The following FLG variants were observed in gnomAD, a reference collection of about 807,000 sequenced individuals.
FLG encodes the protein filaggrin.
Under a neutral mutation model 3.8 loss-of-function variants are expected in FLG, and 6 were observed. The observed-to-expected ratio is 1.60, with a 90% CI of 0.87 to 3.15. FLG has a LOEUF of 3.15. Ranked by LOEUF, FLG falls within the 30% of genes most tolerant of loss-of-function variation. The probability of loss-of-function intolerance (pLI) is 0.00; values close to 1 mark genes in which losing one functional copy is unlikely to be tolerated. For synonymous variants in FLG, 2,551 were observed against 1,931.6 expected, an observed-to-expected ratio of 1.32 and a Z score of -8.41; for missense variants, 7,595 against 5,050.9, an observed-to-expected ratio of 1.50 and a Z score of -15.27.
chr1:152,305,132 T>C lies in FLG; in HGVS notation c.9754A>G (p.Arg3252Gly). Reference protein sequence around the residue: ...SVQEQSRHGSRHPRSHHEDRA... With the variant: ...SVQEQSRHGSGHPRSHHEDRA... ...TCTTCGTGATGGGACCTGGGGTGTC[T>C]GGAGCCGTGCCTTGACTGCTCCTGA... is the stretch of plus-strand genomic sequence containing the variant. Residue 3252 changes from arginine (R) to glycine (G), a missense_variant, in exon 3 of 3, where the codon AGA (arginine) becomes GGA (glycine). Coordinates refer to ENST00000368799, the MANE Select transcript of FLG (RefSeq NM_002016.2). The C allele has an allele frequency of 6.2e-7, 1 of 1,613,942 alleles. No homozygotes were observed. The highest frequency in any genetic ancestry group is 8.5e-7 in the Non-Finnish European group (1 of 1,179,960).
rs752687170 is a variant in FLG at position 152,312,420 on chromosome 1, A to G, written c.2466T>C (p.His822=). The G allele has an allele frequency of 1.9e-6, 3 of 1,613,050 alleles. No homozygotes were observed. The highest frequency in any genetic ancestry group is 2.7e-5 in the African/African-American group (2 of 74,602). ...PSTGVRQGSH[H]EQARDNSRHS... ...GCCTGGAGTTGTCTCGTGCCTGCTC[A>G]TGGTGGGATCCTTGTCTTACTCCAG... Residue 822 remains histidine (H), a synonymous_variant, in exon 3 of 3, where the codon CAT becomes CAC. Coordinates refer to ENST00000368799, the MANE Select transcript of FLG (RefSeq NM_002016.2).
Position 152,307,510 on chromosome 1 carries a change from T to G in FLG, c.7376A>C (p.Gln2459Pro). The change falls in exon 3 of 3, where the codon CAG becomes CCG. Residue 2459 changes from glutamine (Q) to proline (P), a missense_variant. Physicochemically the swap from Gln to Pro is moderately conservative, Grantham distance 76. Coordinates refer to ENST00000368799, the MANE Select transcript of FLG (RefSeq NM_002016.2). ...SSRHSTSQEG[Q>P]DTIHGHPGSS... is the part of the protein sequence containing the mutation. ...CCCCGGGTGTCCATGAATGGTGTCC[T>G]GACCCTCTTGGGACGTTGAGTGCCT... 1 of 1,613,642 alleles carries G rather than the reference T, an allele frequency of 6.2e-7. No homozygotes were observed. Among genetic ancestry groups the G allele is most frequent in the South Asian group, 1.1e-5 (1 of 91,044 alleles).
Position 152,312,954 on chromosome 1 carries a change from G to T in FLG, c.1932C>A (p.Asn644Lys), listed in dbSNP as rs761694075. Residue 644 changes from asparagine (N) to lysine (K), a missense_variant, in exon 3 of 3, where the codon AAC (asparagine) becomes AAA (lysine). Physicochemically the swap from Asn to Lys is moderately conservative, Grantham distance 94. Transcript: ENST00000368799. The stretch of plus-strand genomic sequence containing the variant: ...ACTGCTCCTGAGCAGATCCATGATG[G>T]TTTCTGGAAGCAGACCCAGACCACC... Reference protein sequence around the residue: ...SERWSGSASRNHHGSAQEQSR... With the variant: ...SERWSGSASRKHHGSAQEQSR... The T allele has an allele frequency of 6.2e-7, 1 of 1,613,990 alleles. No individual in the cohort carries two copies. Among genetic ancestry groups the T allele is most frequent in the Non-Finnish European group, 8.5e-7 (1 of 1,179,996 alleles).
chr1:152,303,391 T>A lies in FLG; in HGVS notation c.11495A>T (p.Glu3832Val). Residue 3832 changes from glutamate to valine, a missense_variant, in exon 3 of 3, where the codon GAA (glutamate) becomes GTA (valine). Coordinates refer to ENST00000368799, the MANE Select transcript of FLG (RefSeq NM_002016.2). ...GSRHSGSRHH[E>V]ASTQADSSRH... is the part of the protein sequence containing the mutation. ...AGAGCTGTCAGCCTGAGTGGAAGCT[T>A]CATGGTGACGCGACCCTGAGTGCCT... The A allele has an allele frequency of 1.2e-6, 2 of 1,614,142 alleles. No homozygotes were observed. The highest frequency in any genetic ancestry group is 1.7e-6 in the Non-Finnish European group (2 of 1,180,020).
Position 152,309,890 on chromosome 1 carries a change from C to G in FLG, c.4996G>C (p.Ala1666Pro), listed in dbSNP as rs555631824. 1 of 1,614,066 alleles carries G rather than the reference C, an allele frequency of 6.2e-7. No individual in the cohort carries two copies. The highest frequency in any genetic ancestry group is 2.2e-5 in the East Asian group (1 of 44,846). The change falls in exon 3 of 3, where the codon GCT becomes CCT. Residue 1666 changes from alanine (A) to proline (P), a missense_variant. Coordinates refer to ENST00000368799, the MANE Select transcript of FLG (RefSeq NM_002016.2). Reference protein sequence around the residue: ...RHAETSSGGQAASSQEQARSS... With the variant: ...RHAETSSGGQPASSQEQARSS... ...CTTGCCTGTTCCTGGGATGATGCAG[C>G]CTGTCCACCAGAGGAAGTCTCTGCA... is the stretch of plus-strand genomic sequence containing the variant.
rs765146143 is a variant in FLG at position 152,307,272 on chromosome 1, G to A, written c.7614C>T (p.Ser2538=). The A allele has an allele frequency of 3.7e-6, 6 of 1,613,158 alleles. No homozygotes were observed. Among genetic ancestry groups the A allele is most frequent in the Admixed American group, 1.7e-5 (1 of 59,926 alleles). Residue 2538 remains serine (S), a synonymous_variant, in exon 3 of 3, where the codon TCC becomes TCT. Transcript: ENST00000368799. The stretch of plus-strand genomic sequence containing the variant: ...AGTGTCCAGAGCTGTCGGCCCGAGA[G>A]GAAGCTTCATGGTGACGCGACCCTG... The part of the protein sequence containing the change: ...RHSGSRHHEA[S]SRADSSGHSQ...
rs1203104884 is a variant in FLG at position 152,304,973 on chromosome 1, G to A, written c.9913C>T (p.Arg3305Cys). The A allele has an allele frequency of 1.6e-5, 26 of 1,613,534 alleles. No individual in the cohort carries two copies. The highest frequency in any genetic ancestry group is 6.7e-5 in the African/African-American group (5 of 74,762). Reference sequence around the variant, plus strand: ...GAGCTGTCTGCTGACTGCTGGTGGCGGGATCCGTGTCTCTCTCCTGGACTT... The same window carrying A: ...GAGCTGTCTGCTGACTGCTGGTGGCAGGATCCGTGTCTCTCTCCTGGACTT... The part of the protein sequence containing the change: ...RSSPGERHGS[R>C]HQQSADSSRH... Residue 3305 changes from arginine (R) to cysteine (C), a missense_variant, in exon 3 of 3, where the codon CGC becomes TGC. Physicochemically the swap from Arg to Cys is radical, Grantham distance 180. Coordinates refer to ENST00000368799, the MANE Select transcript of FLG (RefSeq NM_002016.2).
rs146564246 is a variant in FLG, at chr1:152,311,570, A to G, written c.3316T>C (p.Trp1106Arg). 4,063 of 1,613,424 alleles carry G rather than the reference A, an allele frequency of 2.5e-3. 58 individuals carry two copies. In the African/African-American group the frequency reaches 0.04, roughly 16 times the overall value. The stretch of plus-strand genomic sequence containing the variant: ...GAACGTCCAGACCTTCCCCCTGACC[A>G]GTCACGTGCGGACTCTTGGTGGCTC... ...QQSHQESARD[W>R]SGGRSGRSGS... Residue 1106 changes from tryptophan to arginine, a missense_variant, in exon 3 of 3, where the codon TGG becomes CGG. Physicochemically the swap from Trp to Arg is moderately radical, Grantham distance 101. Coordinates refer to ENST00000368799, the MANE Select transcript of FLG (RefSeq NM_002016.2).
Position 152,311,154 on chromosome 1 carries a change from A to C in FLG, c.3732T>G (p.Ala1244=), listed in dbSNP as rs1652390972. Residue 1244 remains alanine (A), a synonymous_variant, in exon 3 of 3, where the codon GCT becomes GCG. Transcript: ENST00000368799. ...GSRHHEAASW[A]DSSRHSQVGQ... ...CCACCTGTGAGTGTCTAGAGCTGTC[A>C]GCCCAAGAGGCAGCTTCATGGTGAC... is the stretch of plus-strand genomic sequence containing the variant. 2 of 1,613,544 alleles carry C rather than the reference A, an allele frequency of 1.2e-6. No homozygotes were observed. The highest frequency in any genetic ancestry group is 1.1e-5 in the South Asian group (1 of 91,010).
rs375545359 is a variant in FLG, at chr1:152,309,604, C to A, written c.5282G>T (p.Arg1761Leu). The A allele has an allele frequency of 1.5e-5, 24 of 1,613,918 alleles. No homozygotes were observed. The highest frequency in any genetic ancestry group is 1.6e-4 in the Middle Eastern group (1 of 6,062). The change falls in exon 3 of 3, where the codon CGT (arginine) becomes CTT (leucine). Residue 1761 changes from arginine (R) to leucine (L), a missense_variant. Physicochemically the swap from Arg to Leu is moderately radical, Grantham distance 102. Transcript: ENST00000368799. ...CACCTGGTAGAGGAAAGACCCTGAACGTCCAGACCTTTCCCCTGACTGGCC... is the reference window on the plus strand; with the variant it reads ...CACCTGGTAGAGGAAAGACCCTGAAAGTCCAGACCTTTCCCCTGACTGGCC... ...TRGQSGERSG[R>L]SGSFLYQVST...
At position 152,312,823 on chromosome 1, in the gene FLG, G is replaced by A. The variant is rs1463277588; in HGVS notation, c.2063C>T (p.Ser688Phe). Residue 688 changes from serine to phenylalanine, a missense_variant, in exon 3 of 3, where the codon TCC (serine) becomes TTC (phenylalanine). Coordinates refer to ENST00000368799, the MANE Select transcript of FLG (RefSeq NM_002016.2). ...GGATGACGCAGCCTGTCCACTAGAGGAATTCTGTGTGTGACGAGTGCCTGA... is the reference window on the plus strand; with the variant it reads ...GGATGACGCAGCCTGTCCACTAGAGAAATTCTGTGTGTGACGAGTGCCTGA... ...RKSGTRHTQNSSSGQAASSHE... is the reference protein window; with the variant it reads ...RKSGTRHTQNFSSGQAASSHE... 1 of 1,613,962 alleles carries A rather than the reference G, an allele frequency of 6.2e-7. No individual in the cohort carries two copies. The highest frequency in any genetic ancestry group is 8.5e-7 in the Non-Finnish European group (1 of 1,180,036).
rs751454436 is a variant in FLG, at chr1:152,310,980, T to A, written c.3906A>T (p.Ser1302=). ...ACCCAGGGTGTCTGGAGCCATCTCT[T>A]GACTGCTCCCGAGAAGATCCATGAT... is the stretch of plus-strand genomic sequence containing the variant. ...RNHHGSSREQ[S]RDGSRHPGFH... is the part of the protein sequence containing the mutation. Residue 1302 remains serine (S), a synonymous_variant, in exon 3 of 3, where the codon TCA becomes TCT. Coordinates refer to ENST00000368799, the MANE Select transcript of FLG (RefSeq NM_002016.2). 15 of 1,613,850 alleles carry A rather than the reference T, an allele frequency of 9.3e-6. No individual in the cohort carries two copies. The highest frequency in any genetic ancestry group is 1.3e-5 in the Non-Finnish European group (15 of 1,179,996).
chr1:152,315,987 A>T (rs1158582315), intron 1 of FLG, among the ~76,000 whole-genome samples: 2 of 152,228 alleles, frequency 1.3e-5, no homozygotes, highest in Non-Finnish European at 2.9e-5. Context: ...CATGAAGTTT[A>T]TAATATTTCA....
chr1:152,319,208 TA>T (rs1221817270), intron 1 of FLG, among the ~76,000 whole-genome samples: 1 of 151,188 alleles, frequency 6.6e-6, no homozygotes, highest in African/African-American at 2.4e-5. Flanking sequence ...GACTAGATGA[TA>T]TTTTTTGGTA....
Position 152,304,200 on chromosome 1 carries a change from G to C in FLG, c.10686C>G (p.Asn3562Lys). 6.2e-7 allele frequency: 1 copy of C among 1,611,770 alleles called. No homozygotes were observed. The highest frequency in any genetic ancestry group is 8.5e-7 in the Non-Finnish European group (1 of 1,179,666). Reference sequence around the variant, plus strand: ...ACTGCTCCTGAGCAGATCCACGATGGTTTCTGGAAGCAGACCCAGACCACC... The same window carrying C: ...ACTGCTCCTGAGCAGATCCACGATGCTTTCTGGAAGCAGACCCAGACCACC... Reference protein sequence around the residue: ...SERWSGSASRNHRGSAQEQSR... With the variant: ...SERWSGSASRKHRGSAQEQSR... Residue 3562 changes from asparagine to lysine, a missense_variant, in exon 3 of 3, where the codon AAC becomes AAG. Transcript: ENST00000368799.
rs1291999516 is a variant in FLG, at chr1:152,312,958, C to T, written c.1928G>A (p.Arg643Lys). The T allele has an allele frequency of 2.5e-6, 4 of 1,613,968 alleles. No homozygotes were observed. The highest frequency in any genetic ancestry group is 3.4e-6 in the Non-Finnish European group (4 of 1,180,008). The change falls in exon 3 of 3, where the codon AGA (arginine) becomes AAA (lysine). Residue 643 changes from arginine to lysine, a missense_variant. Coordinates refer to ENST00000368799, the MANE Select transcript of FLG (RefSeq NM_002016.2). ...DSERWSGSAS[R>K]NHHGSAQEQS... ...CTCCTGAGCAGATCCATGATGGTTT[C>T]TGGAAGCAGACCCAGACCACCTCTC... is the stretch of plus-strand genomic sequence containing the variant.
In FLG at chr1:152,307,444, A is replaced by G. The variant is rs55650366; in HGVS notation, c.7442T>C (p.Leu2481Ser). 0.2 allele frequency: 323,820 copies of G among 1,612,504 alleles called. 42,507 individuals carry two copies. Among genetic ancestry groups the G allele is most frequent in the East Asian group, 0.61 (27,070 of 44,608 alleles). ...CCCTGAGTGTCCAGATCTATCTACCAATTGCTCGTAGTGGGATCCCTGCCT... is the reference window on the plus strand; with the variant it reads ...CCCTGAGTGTCCAGATCTATCTACCGATTGCTCGTAGTGGGATCCCTGCCT... ...GGRQGSHYEQ[L>S]VDRSGHSGSH... The change falls in exon 3 of 3, where the codon TTG becomes TCG. Residue 2481 changes from leucine to serine, a missense_variant. Leu to Ser is a moderately radical substitution (Grantham distance 145). Coordinates refer to ENST00000368799, the MANE Select transcript of FLG (RefSeq NM_002016.2).
At position 152,303,810 on chromosome 1, in the gene FLG, G is replaced by C. The variant is rs775756370; in HGVS notation, c.11076C>G (p.His3692Gln). ...CTGACCGGCCACGTGTGGACTCTTG[G>C]TGGCTCTGCTGATGGGGCCCAGCCT... ...HGQAGPHQQS[H>Q]QESTRGRSAG... Residue 3692 changes from histidine to glutamine, a missense_variant, in exon 3 of 3, where the codon CAC (histidine) becomes CAG (glutamine). His to Gln is a conservative substitution (Grantham distance 24). Transcript: ENST00000368799. 4 of 1,613,494 alleles carry C rather than the reference G, an allele frequency of 2.5e-6. No homozygotes were observed. Among genetic ancestry groups the C allele is most frequent in the East Asian group, 2.2e-5 (1 of 44,784 alleles).
chr1:152,320,467 A>G (rs1035366587), intron 1 of FLG, among the ~76,000 whole-genome samples: 9 of 151,076 alleles, frequency 6.0e-5, no homozygotes, highest in Non-Finnish European at 1.3e-4. Context: ...TTATTATTAT[A>G]TTCATATCTG....
Sources: allele counts gnomAD v4.1 joint callset (sites outside exome capture counted in the v4.1 genomes callset), GRCh38; gene constraint gnomAD v4.1.1; transcripts MANE v1.5; gene names NCBI Gene and HGNC (gene_info 2026-07-23, HGNC 2026-07-21).